The following LIN28B variants were observed in gnomAD, a reference collection of about 807,000 sequenced individuals.
LIN28B encodes the protein protein lin-28 homolog B.
In LIN28B, 5 loss-of-function variants were observed where a neutral mutation model predicts 21.9. That is an observed-to-expected ratio of 0.23 (90% CI 0.12 to 0.48). LIN28B has a LOEUF of 0.48. Ranked by LOEUF, LIN28B falls within the 20% of genes least tolerant of loss-of-function variation. The pLI is 0.98. For synonymous variants in LIN28B, 109 were observed against 111.3 expected (o/e 0.98, Z 0.13); for missense variants, 245 against 310.5 (o/e 0.79, Z 1.58).
intron 2 of LIN28B, among the ~76,000 whole-genome samples, chr6:105,023,484 A>ATATATAATATATATAATTATAT (rs1554188211): frequency 0.028 from 21 of 762 alleles, 7 homozygotes; most frequent in African/African-American, 0.03. Context: ...TAATTATATT[A>ATATATAATATATATAATTATAT]TATATAATAT....
At chr6:105,034,717 G>T (rs1044175551) in intron 3 of LIN28B, among the ~76,000 whole-genome samples, 1 of 151,994 alleles carries the variant, frequency 6.6e-6, no homozygotes, top group South Asian at 2.1e-4. Context: ...TAGCTCACAT[G>T]AATTAACTTG....
At chr6:104,985,954 T>C (rs1770330141) in intron 2 of LIN28B, among the ~76,000 whole-genome samples, 1 of 152,108 alleles carries the variant, frequency 6.6e-6, no homozygotes, top group African/African-American at 2.4e-5. Flanking sequence ...GGTGATTGCA[T>C]ATGTGTGGGT....
At chr6:104,994,754 T>C (rs1770564935) in intron 2 of LIN28B, among the ~76,000 whole-genome samples, 1 of 152,184 alleles carries the variant, frequency 6.6e-6, no homozygotes, top group African/African-American at 2.4e-5. Flanking sequence ...GGGCAAAGGA[T>C]GAGAGGACGG....
chr6:104,957,609 G>C (rs754634771), intron 1 of LIN28B, among the ~76,000 whole-genome samples: 2 of 151,780 alleles, frequency 1.3e-5, no homozygotes, highest in Non-Finnish European at 2.9e-5. Context: ...GAAAGTTATG[G>C]GGGGGAGGGG....
chr6:105,007,441 A>G (rs1770840443), intron 2 of LIN28B, among the ~76,000 whole-genome samples: 1 of 152,158 alleles, frequency 6.6e-6, no homozygotes, highest in Non-Finnish European at 1.5e-5. Flanking sequence ...TAAATGTCCA[A>G]TTTGGAGATT....
rs143824149 is a variant in LIN28B, at chr6:105,075,147, TTGTA to T, written c.384-3264_384-3261del. Among the ~76,000 whole-genome samples, 736 of 152,366 alleles carry T rather than the reference TTGTA, an allele frequency of 4.8e-3. 7 individuals carry two copies. Among genetic ancestry groups the T allele is most frequent in the African/African-American group, 0.017 (698 of 41,582 alleles). On this transcript the variant is annotated intron_variant, in intron 3 of 3. Transcript: ENST00000345080. ...TAATAAAGTATGAGTATAGTTTTCTTTGTATGGTCTTTTGTGTGAGACTATGTCC... is the reference window on the plus strand; with the variant it reads ...TAATAAAGTATGAGTATAGTTTTCTTTGGTCTTTTGTGTGAGACTATGTCC...
chr6:104,958,413 C>T (rs2114566550), intron 2 of LIN28B, 127 bp downstream of exon 2: 1 of 689,834 alleles, frequency 1.4e-6, no homozygotes, highest in Middle Eastern at 2.6e-4. Flanking sequence ...TCCCTGAAAT[C>T]ACTAGGTAGT....
At chr6:104,942,353 C>T (rs974383918) in intron 2 of LIN28B, among the ~76,000 whole-genome samples, 1 of 151,926 alleles carries the variant, frequency 6.6e-6, no homozygotes, top group African/African-American at 2.4e-5. Flanking sequence ...ACCATATTTA[C>T]TTAGATAATG....
At position 105,078,562 on chromosome 6, in the gene LIN28B, G is replaced by A; in HGVS notation, c.532G>A (p.Gly178Arg). The A allele has an allele frequency of 6.2e-7, 1 of 1,614,070 alleles. No homozygotes were observed. The highest frequency in any genetic ancestry group is 8.5e-7 in the Non-Finnish European group (1 of 1,180,036). The change falls in exon 4 of 4, where the codon GGA becomes AGA. Residue 178 changes from glycine to arginine, a missense_variant. Gly to Arg is a moderately radical substitution (Grantham distance 125, BLOSUM62 -2). Coordinates refer to ENST00000345080, the MANE Select transcript of LIN28B (RefSeq NM_001004317.4). Reference sequence around the variant, plus strand: ...TGCACAGCCACCCGCGAGTTCTCAGGGAAGACAGGAAGCAGAATCCCAGCC... The same window carrying A: ...TGCACAGCCACCCGCGAGTTCTCAGAGAAGACAGGAAGCAGAATCCCAGCC... ...NVAQPPASSQ[G>R]RQEAESQPCT... is the part of the protein sequence containing the mutation.
intron 3 of LIN28B, among the ~76,000 whole-genome samples, chr6:105,035,292 AATGTAG>A (rs1771501139): frequency 6.6e-6 from 1 of 152,142 alleles, no homozygotes; most frequent in African/African-American, 2.4e-5. Flanking sequence ...AGATGTTTGA[AATGTAG>A]ATCAACAAAT....
intron 2 of LIN28B, among the ~76,000 whole-genome samples, chr6:104,994,847 C>T (rs909306514): frequency 1.3e-5 from 2 of 152,176 alleles, no homozygotes; most frequent in African/African-American, 2.4e-5. Context: ...AACTGATTCA[C>T]ACGGGGAGCC....
chr6:105,013,501 G>A (rs903587214), intron 2 of LIN28B, among the ~76,000 whole-genome samples: 2 of 151,902 alleles, frequency 1.3e-5, no homozygotes, highest in African/African-American at 2.4e-5. Flanking sequence ...ACTTTGGGAG[G>A]TTGAGGCAGG....
chr6:105,029,981 G>A (rs966158605), intron 3 of LIN28B, among the ~76,000 whole-genome samples: 4 of 152,178 alleles, frequency 2.6e-5, no homozygotes. Context: ...ATCTGGCAAG[G>A]TACGAGGTGG....
At chr6:104,952,705 T>C (rs907548889), upstream of LIN28B, among the ~76,000 whole-genome samples, 1 of 152,156 alleles carries the variant, frequency 6.6e-6, no homozygotes, top group Non-Finnish European at 1.5e-5. Context: ...TAAAGGCAAA[T>C]TTTGAAATAT....
At chr6:105,058,168 A>G in intron 3 of LIN28B, 3 of 292,908 alleles carry the variant, frequency 1.0e-5, no homozygotes, top group South Asian at 8.6e-5. Context: ...ACTGGGAACC[A>G]TTTAAAAAGA....
intron 3 of LIN28B, among the ~76,000 whole-genome samples, chr6:105,073,875 C>T (rs1208676546): frequency 1.3e-5 from 2 of 152,120 alleles, no homozygotes; most frequent in Non-Finnish European, 2.9e-5. Flanking sequence ...CTGTGCTCAG[C>T]TCCATTATTG....
chr6:105,040,644 ATAATT>A (rs1771613741), intron 3 of LIN28B, among the ~76,000 whole-genome samples: 1 of 152,066 alleles, frequency 6.6e-6, no homozygotes, highest in East Asian at 1.9e-4. Flanking sequence ...CATGATCAAA[ATAATT>A]TAGAGCCCAC....
chr6:105,078,519 C>T lies in LIN28B; in HGVS notation c.489C>T (p.Asn163=). 6.2e-7 allele frequency: 1 copy of T among 1,614,138 alleles called. No homozygotes were observed. Among genetic ancestry groups the T allele is most frequent in the South Asian group, 1.1e-5 (1 of 91,084 alleles). ...AGAGCATCATGCACATGGTGGCAAA[C>T]TGCCCACATAAAAATGTTGCACAGC... The part of the protein sequence containing the change: ...YCQSIMHMVA[N]CPHKNVAQPP... The change falls in exon 4 of 4, where the codon AAC becomes AAT. Residue 163 remains asparagine, a synonymous_variant. Transcript: ENST00000345080.
intron 2 of LIN28B, among the ~76,000 whole-genome samples, chr6:104,967,650 C>T (rs1582869577): frequency 1.4e-5 from 2 of 140,596 alleles, no homozygotes; most frequent in Admixed American, 1.4e-4. Flanking sequence ...TTTGTATAAA[C>T]ATTTTTAAAA....
Sources: gnomAD v4.1 joint callset for allele counts (sites outside exome capture counted in the v4.1 genomes callset) on GRCh38, gnomAD v4.1.1 for gene constraint, MANE v1.5 for transcripts, NCBI Gene and HGNC (gene_info 2026-07-23, HGNC 2026-07-21) for gene names.